The following ZRANB3 variants were observed in gnomAD, a reference collection of about 807,000 sequenced individuals.
ZRANB3 encodes the protein DNA annealing helicase and endonuclease ZRANB3.
ZRANB3 carries 125 observed loss-of-function variants against 133.8 expected under a neutral mutation model. That is an observed-to-expected ratio of 0.93 (90% CI 0.81 to 1.08). The LOEUF (loss-of-function observed/expected upper bound fraction) is 1.08, where lower values mean the gene tolerates loss of function less well. Ranked by LOEUF, ZRANB3 falls within the 50% of genes least tolerant of loss-of-function variation. ZRANB3 has a pLI of 0.00. For missense variants in ZRANB3, 1,229 were observed against 1,275.5 expected (o/e 0.96, Z 0.56); for synonymous variants, 387 against 432.7 (o/e 0.89, Z 1.31).
intron 8 of ZRANB3, among the ~76,000 whole-genome samples, chr2:135,276,605 G>A (rs1680839046): frequency 6.6e-6 from 1 of 152,162 alleles, no homozygotes; most frequent in African/African-American, 2.4e-5. Flanking sequence ...AACTGGTTAT[G>A]TAGAAATTGT....
chr2:135,446,692 G>T (rs1316225859), intron 2 of ZRANB3, among the ~76,000 whole-genome samples: 2 of 152,132 alleles, frequency 1.3e-5, no homozygotes, highest in African/African-American at 4.8e-5. Flanking sequence ...GTATTAGAAT[G>T]ATTAACCATG....
At chr2:135,395,500 C>G (rs1687450124) in intron 2 of ZRANB3, among the ~76,000 whole-genome samples, 1 of 150,666 alleles carries the variant, frequency 6.6e-6, no homozygotes, top group African/African-American at 2.5e-5. Flanking sequence ...TTCTGTCACC[C>G]AGGCTGGAGT....
chr2:135,279,724 C>G (rs949588220), intron 8 of ZRANB3, among the ~76,000 whole-genome samples: 1 of 152,168 alleles, frequency 6.6e-6, no homozygotes, highest in East Asian at 1.9e-4. Context: ...TCAAGCCCCC[C>G]TTTTCCCACT....
chr2:135,459,492 A>G (rs1460920172), intron 2 of ZRANB3, among the ~76,000 whole-genome samples: 7 of 152,210 alleles, frequency 4.6e-5, no homozygotes, highest in Non-Finnish European at 1.0e-4. Flanking sequence ...TCCTATTACT[A>G]TTCTGTCAAA....
At chr2:135,204,626 C>T (rs1243636241) in intron 19 of ZRANB3, among the ~76,000 whole-genome samples, 1 of 136,582 alleles carries the variant, frequency 7.3e-6, no homozygotes, top group Admixed American at 7.6e-5. Context: ...CAGTGAGATC[C>T]CAGACCCAAT....
At position 135,341,284 on chromosome 2, in the gene ZRANB3, A is replaced by G. The variant is rs920363760; in HGVS notation, c.677+4266T>C. On this transcript the variant is annotated intron_variant, in intron 6 of 20. Transcript: ENST00000264159. ...ATCTCGTGATCTGTTGCGGGAAGTC[A>G]GGGACCCCAAACAGAGGGACTGGCT... is the stretch of plus-strand genomic sequence containing the variant. 2.8e-4 allele frequency among the ~76,000 whole-genome samples: 42 copies of G among 149,898 alleles called. 5 individuals are homozygous for G. Among genetic ancestry groups the G allele is most frequent in the African/African-American group, 1.0e-3 (41 of 39,240 alleles).
chr2:135,458,300 T>C (rs1690616065), intron 2 of ZRANB3, among the ~76,000 whole-genome samples: 1 of 152,216 alleles, frequency 6.6e-6, no homozygotes, highest in Middle Eastern at 3.4e-3. Context: ...TATGTAGTAG[T>C]TTCAAAATCA....
intron 2 of ZRANB3, among the ~76,000 whole-genome samples, chr2:135,445,658 A>G (rs1445792695): frequency 6.6e-6 from 1 of 151,308 alleles, no homozygotes; most frequent in African/African-American, 2.4e-5. Context: ...CGGGTGGATC[A>G]CAAGGTCAGG....
Position 135,255,381 on chromosome 2 carries a change from A to T in ZRANB3, c.1539+10153T>A, listed in dbSNP as rs145810573. On this transcript the variant is annotated intron_variant, in intron 12 of 20. Coordinates refer to ENST00000264159, the MANE Select transcript of ZRANB3 (RefSeq NM_032143.4). ...AGTTCTCTCTGCTTTACCCCTACAA[A>T]GAAAATAATTTTGAAACTATTAATC... 3.9e-5 allele frequency among the ~76,000 whole-genome samples: 6 copies of T among 152,248 alleles called. No homozygotes were observed. In the East Asian group the frequency reaches 1.2e-3, roughly 29 times the overall value.
rs541204998 is a variant in ZRANB3 at position 135,296,137 on chromosome 2, T to G, written c.966+17352A>C. ...TGAATGTTGGCCTGCCTTGCTAGAT[T>G]GGGGAAGTTCTCCTGGATAATATCC... On this transcript the variant is annotated intron_variant, in intron 8 of 20. Coordinates refer to ENST00000264159, the MANE Select transcript of ZRANB3 (RefSeq NM_032143.4). 1.4e-3 allele frequency among the ~76,000 whole-genome samples: 207 copies of G among 152,348 alleles called. 1 individual carries two copies. Among genetic ancestry groups the G allele is most frequent in the African/African-American group, 4.7e-3 (197 of 41,578 alleles).
At chr2:135,508,288 C>T (rs1351792840) in intron 1 of ZRANB3, among the ~76,000 whole-genome samples, 1 of 152,096 alleles carries the variant, frequency 6.6e-6, no homozygotes. Flanking sequence ...CAGGGGCACG[C>T]CACCATGTCA....
chr2:135,356,237 T>C (rs1259774104), intron 3 of ZRANB3, among the ~76,000 whole-genome samples: 1 of 152,148 alleles, frequency 6.6e-6, no homozygotes, highest in Non-Finnish European at 1.5e-5. Flanking sequence ...GTAACTATAG[T>C]TAATAACAAC....
intron 6 of ZRANB3, among the ~76,000 whole-genome samples, chr2:135,318,128 A>C (rs1558912857): frequency 1.3e-5 from 2 of 152,126 alleles, no homozygotes. Flanking sequence ...TTGCTTTACT[A>C]AAAGCCAACT....
chr2:135,201,630 A>G (rs1263212074), intron 20 of ZRANB3, among the ~76,000 whole-genome samples: 1 of 149,552 alleles, frequency 6.7e-6, no homozygotes, highest in East Asian at 2.0e-4. Flanking sequence ...ACACCATCAC[A>G]CTCCAGCCTG....
rs543898440 is a variant in ZRANB3 at position 135,231,718 on chromosome 2, G to A, written c.1540-791C>T. The stretch of plus-strand genomic sequence containing the variant: ...TGGGAAGACTGCTGGAGCCTCGGAG[G>A]TTGAGGCTACAGTGAGCTGTGATTG... On this transcript the variant is annotated intron_variant, in intron 12 of 20. Coordinates refer to ENST00000264159, the MANE Select transcript of ZRANB3 (RefSeq NM_032143.4). Among the ~76,000 whole-genome samples, 29 of 152,272 alleles carry A rather than the reference G, an allele frequency of 1.9e-4. No homozygotes were observed. The South Asian group carries it at 6.0e-3, about 32-fold the overall frequency.
intron 17 of ZRANB3, among the ~76,000 whole-genome samples, chr2:135,214,018 G>A (rs571227693): frequency 1.3e-5 from 2 of 152,266 alleles, no homozygotes; most frequent in East Asian, 3.9e-4. Context: ...TCCTACAACT[G>A]CAAGGAACTG....
intron 1 of ZRANB3, among the ~76,000 whole-genome samples, chr2:135,523,124 G>A (rs1694015631): frequency 6.6e-6 from 1 of 152,182 alleles, no homozygotes; most frequent in South Asian, 2.1e-4. Context: ...GTGTGCCCCT[G>A]TAGTCTCAGT....
intron 3 of ZRANB3, among the ~76,000 whole-genome samples, chr2:135,374,935 C>A (rs78536353): frequency 0.01 from 1,596 of 152,130 alleles, 25 homozygotes; most frequent in African/African-American, 0.036. Context: ...ATGCAGATGG[C>A]AGATAAGCAT....
At chr2:135,475,501 T>C (rs1057287231) in intron 2 of ZRANB3, among the ~76,000 whole-genome samples, 1 of 152,184 alleles carries the variant, frequency 6.6e-6, no homozygotes, top group Admixed American at 6.5e-5. Context: ...GTTTTAAGAG[T>C]ATACCCATGA....
Sources: allele counts gnomAD v4.1 joint callset (sites outside exome capture counted in the v4.1 genomes callset), GRCh38; gene constraint gnomAD v4.1.1; transcripts MANE v1.5; gene names NCBI Gene and HGNC (gene_info 2026-07-23, HGNC 2026-07-21).